The following FARS2 variants were observed in gnomAD, a reference collection of about 807,000 sequenced individuals.
The protein encoded by FARS2 is phenylalanine--tRNA ligase, mitochondrial.
Under a neutral mutation model 46.4 loss-of-function variants are expected in FARS2, and 40 were observed. The observed-to-expected ratio is 0.86, with a 90% CI of 0.67 to 1.12. The LOEUF (loss-of-function observed/expected upper bound fraction) is 1.12, where lower values mean the gene tolerates loss of function less well. Ranked by LOEUF, FARS2 falls within the 50% of genes most tolerant of loss-of-function variation. The pLI, the probability that FARS2 is intolerant of heterozygous loss-of-function variation, is 0.00. For missense variants in FARS2, 513 were observed against 567.9 expected (o/e 0.90, Z 0.98); for synonymous variants, 234 against 214.9 (o/e 1.09, Z -0.78).
In FARS2 at chr6:5,438,183, T is replaced by A. The variant is rs925201538; in HGVS notation, c.904+7011T>A. 1.9e-4 allele frequency among the ~76,000 whole-genome samples: 28 copies of A among 151,228 alleles called. 1 individual carries two copies. The highest frequency in any genetic ancestry group is 6.8e-3 in the Middle Eastern group (2 of 294). The stretch of plus-strand genomic sequence containing the variant: ...TATCTTTCCTTTTTTTTTAAAAAAA[T>A]TATTAACTATAATTTTTTACTGTGC... On this transcript the variant is annotated intron_variant, in intron 4 of 6. Transcript: ENST00000274680.
rs141331511 is a variant in FARS2, at chr6:5,548,603, C to T, written c.1065+3263C>T. Among the ~76,000 whole-genome samples the T allele has an allele frequency of 1.3e-3, 196 of 152,246 alleles. 1 individual carries two copies. The highest frequency in any genetic ancestry group is 4.5e-3 in the African/African-American group (187 of 41,550). On this transcript the variant is annotated intron_variant, in intron 5 of 6. Coordinates refer to ENST00000274680, the MANE Select transcript of FARS2 (RefSeq NM_006567.5). ...GCAAACATTTAAAGAACACCAACAT[C>T]GTGTAGAATGGTGTGCTCAACACCA...
intron 4 of FARS2, among the ~76,000 whole-genome samples, chr6:5,446,717 T>C (rs1764206794): frequency 6.6e-6 from 1 of 152,224 alleles, no homozygotes. Flanking sequence ...AGGAGGTTTT[T>C]AAAGTACATT....
intron 5 of FARS2, among the ~76,000 whole-genome samples, chr6:5,567,876 G>A (rs1772412321): frequency 6.6e-6 from 1 of 152,176 alleles, no homozygotes; most frequent in Admixed American, 6.5e-5. Flanking sequence ...TTTCTCACTG[G>A]TAAAATAAGT....
intron 6 of FARS2, among the ~76,000 whole-genome samples, chr6:5,629,727 A>T (rs941849461): frequency 6.6e-6 from 1 of 152,068 alleles, no homozygotes; most frequent in Non-Finnish European, 1.5e-5. Context: ...TCAAGGAAAA[A>T]TTTAATAAAT....
intron 6 of FARS2, among the ~76,000 whole-genome samples, chr6:5,627,513 G>C (rs1223702054): frequency 6.6e-6 from 1 of 152,214 alleles, no homozygotes; most frequent in Non-Finnish European, 1.5e-5. Context: ...CAGATTGCCT[G>C]TCCGGCAATG....
intron 1 of FARS2, chr6:5,291,352 C>G (rs117106623): frequency 1.3e-5 from 2 of 152,112 alleles, no homozygotes; most frequent in East Asian, 3.9e-4. Context: ...AAACTTTTTT[C>G]CAAAATCCAG....
At chr6:5,285,871 G>C (rs967642430) in intron 1 of FARS2, among the ~76,000 whole-genome samples, 1 of 152,164 alleles carries the variant, frequency 6.6e-6, no homozygotes, top group Non-Finnish European at 1.5e-5. Context: ...TTTGCACGGG[G>C]CTTCTTCTCT....
At chr6:5,378,766 C>T (rs1759554738) in intron 2 of FARS2, among the ~76,000 whole-genome samples, 1 of 152,194 alleles carries the variant, frequency 6.6e-6, no homozygotes, top group African/African-American at 2.4e-5. Context: ...GTCAAAGACA[C>T]ACTTAAATTC....
chr6:5,765,741 T>TCAG lies in FARS2; in HGVS notation c.1218-5548_1218-5546dup, dbSNP rs1344944356. On this transcript the variant is annotated intron_variant, in intron 6 of 6. Transcript: ENST00000274680. This position sits in a 1 kb window ranked among gnomAD's most constrained non-coding sequence, Gnocchi z 4.0. The stretch of plus-strand genomic sequence containing the variant: ...GGCGTACTAGGGAACAGTCCTTTGC[T>TCAG]CAGCCGGCTCCTGGGTTTCTGCAGG... Among the ~76,000 whole-genome samples the TCAG allele has an allele frequency of 3.9e-5, 6 of 152,118 alleles. No homozygotes were observed. Among genetic ancestry groups the TCAG allele is most frequent in the Non-Finnish European group, 8.8e-5 (6 of 68,020 alleles).
At chr6:5,420,062 G>T (rs1035255547) in intron 3 of FARS2, among the ~76,000 whole-genome samples, 1 of 152,186 alleles carries the variant, frequency 6.6e-6, no homozygotes, top group Non-Finnish European at 1.5e-5. Context: ...GAAGGCGAAA[G>T]ACACGTCTCA....
At chr6:5,308,918 T>C (rs941202749) in intron 1 of FARS2, among the ~76,000 whole-genome samples, 7 of 152,204 alleles carry the variant, frequency 4.6e-5, no homozygotes, top group African/African-American at 1.7e-4. Context: ...CATCTCCCTG[T>C]ATCATTATAG....
At chr6:5,285,676 T>C (rs1381475246) in intron 1 of FARS2, among the ~76,000 whole-genome samples, 3 of 152,180 alleles carry the variant, frequency 2.0e-5, no homozygotes, top group Non-Finnish European at 1.5e-5. Context: ...TTAGGGCAGG[T>C]AGAGAAGGCG....
intron 4 of FARS2, among the ~76,000 whole-genome samples, chr6:5,538,935 C>T (rs1053093125): frequency 6.6e-6 from 1 of 152,290 alleles, no homozygotes; most frequent in South Asian, 2.1e-4. Context: ...AGTCCAGTTG[C>T]TCTCTGTTCC....
At chr6:5,621,999 T>C (rs4959341) in intron 6 of FARS2, among the ~76,000 whole-genome samples, 66,088 of 152,154 alleles carry the variant, frequency 0.43, 15,052 homozygotes, top group East Asian at 0.58. Flanking sequence ...GTCTGCTTCA[T>C]TATCCAGTGC....
chr6:5,442,704 C>A (rs1763911296), intron 4 of FARS2, among the ~76,000 whole-genome samples: 1 of 152,126 alleles, frequency 6.6e-6, no homozygotes, highest in South Asian at 2.1e-4. Flanking sequence ...GTGACAGTTT[C>A]CCTTGGCTGG....
intron 1 of FARS2, among the ~76,000 whole-genome samples, chr6:5,316,358 C>T (rs1321143046): frequency 4.6e-5 from 7 of 152,238 alleles, no homozygotes; most frequent in East Asian, 3.9e-4. Flanking sequence ...TAAAACTACC[C>T]GAATGACACA....
chr6:5,436,142 G>A (rs144870525), intron 4 of FARS2, among the ~76,000 whole-genome samples: 79 of 152,316 alleles, frequency 5.2e-4, no homozygotes, highest in Middle Eastern at 3.4e-3. Flanking sequence ...GGGAAGAGAA[G>A]GATTAGAGAA....
intron 5 of FARS2, among the ~76,000 whole-genome samples, chr6:5,595,861 C>T (rs771305532): frequency 2.0e-5 from 3 of 152,120 alleles, no homozygotes; most frequent in African/African-American, 4.8e-5. Flanking sequence ...ATTGAGGAAA[C>T]GCCCAAGGTC....
chr6:5,266,295 T>C (rs744756), intron 1 of FARS2, among the ~76,000 whole-genome samples: 122,383 of 152,070 alleles, frequency 0.8, 49,807 homozygotes, highest in African/African-American at 0.93. Flanking sequence ...GTTTTAGGCA[T>C]GAGATGAGCT....
Sources: gnomAD v4.1 joint callset for allele counts (sites outside exome capture counted in the v4.1 genomes callset) on GRCh38, gnomAD v4.1.1 for gene constraint, Gnocchi (gnomAD v3.1) non-coding constraint, MANE v1.5 for transcripts, NCBI Gene and HGNC (gene_info 2026-07-23, HGNC 2026-07-21) for gene names.